The following GMPS variants were observed in gnomAD, a reference collection of about 807,000 sequenced individuals.
The protein encoded by GMPS is GMP synthase [glutamine-hydrolyzing].
In GMPS, 15 loss-of-function variants were observed where a neutral mutation model predicts 77.9. The observed-to-expected ratio is 0.19, with a 90% CI of 0.13 to 0.30. GMPS has a LOEUF of 0.30. GMPS is among the 10% of genes least tolerant of loss of function. The pLI, the probability that GMPS is intolerant of heterozygous loss-of-function variation, is 1.00. For missense variants in GMPS, 590 were observed against 838.8 expected (o/e 0.70, Z 3.66); for synonymous variants, 224 against 275.9 (o/e 0.81, Z 1.86).
chr3:155,883,682 T>C (rs1227889288), intron 1 of GMPS, among the ~76,000 whole-genome samples: 1 of 152,182 alleles, frequency 6.6e-6, no homozygotes, highest in Admixed American at 6.5e-5. Context: ...GCTATACATG[T>C]GCACATACTT....
chr3:155,931,683 T>TAAAA (rs60448476), intron 12 of GMPS, 82 bp from the exon 13 acceptor site: 415 of 398,992 alleles, frequency 1.0e-3, no homozygotes, highest in African/African-American at 3.8e-3. Flanking sequence ...CTTTTTTTTT[T>TAAAA]AAAAAAAAAA....
intron 4 of GMPS, among the ~76,000 whole-genome samples, chr3:155,904,315 A>G (rs1482686196): frequency 6.7e-6 from 1 of 148,866 alleles, no homozygotes; most frequent in East Asian, 2.0e-4. Flanking sequence ...TTCGAGACGG[A>G]GTCTCCCTCT....
chr3:155,877,634 TAA>T (rs1754083519), intron 1 of GMPS, among the ~76,000 whole-genome samples: 1 of 152,126 alleles, frequency 6.6e-6, no homozygotes, highest in Non-Finnish European at 1.5e-5. Context: ...TTGGGGCCGC[TAA>T]AACAAAATAC....
Position 155,942,072 on chromosome 3 carries a change from T to C in GMPS, c.*4380T>C. 1 of 199,630 alleles carries C rather than the reference T, an allele frequency of 5.0e-6. No individual in the cohort carries two copies. The highest frequency in any genetic ancestry group is 1.0e-5 in the Non-Finnish European group (1 of 96,928). The allele number at this position is 199,630 out of a possible 1,614,324, so 12.4% of individuals were successfully genotyped here. A position where few individuals can be genotyped will look rare whatever the true frequency, so the allele number is the denominator to read the frequency against. On this transcript the variant is annotated 3_prime_UTR_variant, in exon 16 of 16. Coordinates refer to ENST00000496455, the MANE Select transcript of GMPS (RefSeq NM_003875.3). The stretch of plus-strand genomic sequence containing the variant: ...AAATAAAATTAGAATCTGGAGGAGG[T>C]AGAACTCAAGCATTTACAGTTTTGT...
chr3:155,911,209 T>C lies in GMPS; in HGVS notation c.816T>C (p.Asn272=). 1 of 1,613,158 alleles carries C rather than the reference T, an allele frequency of 6.2e-7. No homozygotes were observed. Residue 272 remains asparagine, a synonymous_variant, in exon 7 of 16, where the codon AAT becomes AAC. Coordinates refer to ENST00000496455, the MANE Select transcript of GMPS (RefSeq NM_003875.3). The stretch of plus-strand genomic sequence containing the variant: ...AAGTCATTGCTGTGCACATTGATAA[T>C]GGCTTTATGAGAAAACGAGAAAGCC... ...QEQVIAVHID[N]GFMRKRESQS... is the part of the protein sequence containing the mutation.
rs770745564 is a variant in GMPS at position 155,937,738 on chromosome 3, T to G, written c.*46T>G. 1.2e-6 allele frequency: 1 copy of G among 848,168 alleles called. No individual in the cohort carries two copies. Among genetic ancestry groups the G allele is most frequent in the Non-Finnish European group, 2.0e-6 (1 of 493,472 alleles). 52.5% of individuals were successfully genotyped at this position (848,168 alleles called of 1,614,324 possible). ...AGTACCGTGTGCAGTTTAAATTGAT[T>G]AGAAATCATTCCCATTATTGACATG... On this transcript the variant is annotated 3_prime_UTR_variant, in exon 16 of 16. Coordinates refer to ENST00000496455, the MANE Select transcript of GMPS (RefSeq NM_003875.3).
chr3:155,932,339 CTCCAAACAAAAA>C (rs1256216949), intron 13 of GMPS, among the ~76,000 whole-genome samples: 5 of 151,782 alleles, frequency 3.3e-5, no homozygotes, highest in African/African-American at 4.8e-5. Flanking sequence ...ACAACCCCCA[CTCCAAACAAAAA>C]TGGAGACTTG....
rs1337400465 is a variant in GMPS, at chr3:155,916,088, C to T, written c.1108C>T (p.Arg370Trp). The T allele has an allele frequency of 6.8e-6, 11 of 1,612,600 alleles. No individual in the cohort carries two copies. Among genetic ancestry groups the T allele is most frequent in the African/African-American group, 1.3e-5 (1 of 74,854 alleles). The change falls in exon 9 of 16, where the codon CGG becomes TGG. Residue 370 changes from arginine to tryptophan, a missense_variant. This residue lies in a region of GMPS where 181 missense variants were observed against 186.8 expected (regional missense o/e 0.97). Transcript: ENST00000496455. ...GGTTTTCCTTGCCCAAGGTACTTTACGGCCTGATCTAATTGAAAGTGCATC... is the reference window on the plus strand; with the variant it reads ...GGTTTTCCTTGCCCAAGGTACTTTATGGCCTGATCTAATTGAAAGTGCATC... ...EEVFLAQGTLRPDLIESASLV... is the reference protein window; with the variant it reads ...EEVFLAQGTLWPDLIESASLV...
At chr3:155,920,583 A>G (rs565082648) in intron 10 of GMPS, among the ~76,000 whole-genome samples, 3 of 148,980 alleles carry the variant, frequency 2.0e-5, no homozygotes, top group African/African-American at 5.1e-5. Context: ...TTAAAAAAAA[A>G]AAAAAAGAAA....
chr3:155,936,222 TAACTACGCTGTG>T lies in GMPS; in HGVS notation c.1808-115_1808-104del, dbSNP rs1755762673. The T allele has an allele frequency of 5.9e-6, 4 of 674,416 alleles. No individual in the cohort carries two copies. The East Asian group carries it at 1.0e-4, about 17-fold the overall frequency. 41.8% of individuals were successfully genotyped at this position (674,416 alleles called of 1,614,324 possible). A position where few individuals can be genotyped will look rare whatever the true frequency, so the allele number is the denominator to read the frequency against. On this transcript the variant is annotated intron_variant, in intron 14 of 15. Coordinates refer to ENST00000496455, the MANE Select transcript of GMPS (RefSeq NM_003875.3). ...TGAAATCAATGCATGATGACAGTCT[TAACTACGCTGTG>T]TGTGTATATGTGATTTCAGATATTG...
At chr3:155,935,731 T>A (rs1755750656) in intron 14 of GMPS, among the ~76,000 whole-genome samples, 1 of 152,204 alleles carries the variant, frequency 6.6e-6, no homozygotes, top group Non-Finnish European at 1.5e-5. Flanking sequence ...TTTTGCTGTT[T>A]AAAATGGATC....
At chr3:155,875,080 G>A (rs773930611) in intron 1 of GMPS, among the ~76,000 whole-genome samples, 5 of 151,406 alleles carry the variant, frequency 3.3e-5, no homozygotes, top group African/African-American at 9.7e-5. Flanking sequence ...CACCACATAC[G>A]GCTAATTTTA....
intron 2 of GMPS, 142 bp from the exon 3 acceptor site, chr3:155,897,785 T>C (rs1754637361): frequency 1.6e-6 from 1 of 632,052 alleles, no homozygotes; most frequent in Non-Finnish European, 2.9e-6. Flanking sequence ...CGCTGTGATA[T>C]AATTAGAATT....
In GMPS at chr3:155,899,783, TA is replaced by T. The variant is rs560071104; in HGVS notation, c.324+1743del. Among the ~76,000 whole-genome samples, 361 of 152,344 alleles carry T rather than the reference TA, an allele frequency of 2.4e-3. 1 individual carries two copies. The highest frequency in any genetic ancestry group is 8.5e-3 in the African/African-American group (352 of 41,588). Reference sequence around the variant, plus strand: ...TCCCCCATATCCTGGCAACCACTGATATTTTTTTATCGTCTTTATAGTTTTG... The same window carrying T: ...TCCCCCATATCCTGGCAACCACTGATTTTTTTTATCGTCTTTATAGTTTTG... On this transcript the variant is annotated intron_variant, in intron 3 of 15. Transcript: ENST00000496455.
rs143332413 is a variant in GMPS, at chr3:155,939,838, C to G, written c.*2146C>G. The G allele has an allele frequency of 7.2e-3, 1,453 of 200,592 alleles. 9 individuals are homozygous for G. The highest frequency in any genetic ancestry group is 0.011 in the Non-Finnish European group (1,055 of 97,284). The allele number at this position is 200,592 out of a possible 1,614,324, so 12.4% of individuals were successfully genotyped here. On this transcript the variant is annotated 3_prime_UTR_variant, in exon 16 of 16. Transcript: ENST00000496455. Reference sequence around the variant, plus strand: ...TTGCTTTGTGCCATATAGCATTACTCTGTACCTTCACAGTATTTCATCTGA... The same window carrying G: ...TTGCTTTGTGCCATATAGCATTACTGTGTACCTTCACAGTATTTCATCTGA...
intron 1 of GMPS, among the ~76,000 whole-genome samples, chr3:155,884,416 C>T (rs868862125): frequency 3.3e-5 from 5 of 151,000 alleles, no homozygotes; most frequent in Non-Finnish European, 5.9e-5. Context: ...AAAAAAATCA[C>T]GAGGCAAAGA....
intron 9 of GMPS, among the ~76,000 whole-genome samples, chr3:155,916,647 A>G (rs1755187406): frequency 6.6e-6 from 1 of 152,058 alleles, no homozygotes; most frequent in Non-Finnish European, 1.5e-5. Context: ...GGTATAATGC[A>G]TTGTATTTAT....
At chr3:155,897,426 G>A (rs1443793614) in intron 2 of GMPS, among the ~76,000 whole-genome samples, 2 of 152,182 alleles carry the variant, frequency 1.3e-5, no homozygotes, top group Admixed American at 6.6e-5. Context: ...GATGGTGGAT[G>A]CTGTAAACAG....
intron 1 of GMPS, among the ~76,000 whole-genome samples, chr3:155,879,478 G>A (rs1472524139): frequency 2.0e-5 from 3 of 151,696 alleles, no homozygotes; most frequent in African/African-American, 7.3e-5. Flanking sequence ...CGTTGGTCAG[G>A]CTGGCCTCGA....
Sources: gnomAD v4.1 joint callset for allele counts (sites outside exome capture counted in the v4.1 genomes callset) on GRCh38, gnomAD v4.1.1 for gene constraint, gnomAD v4.1.1 regional missense constraint, MANE v1.5 for transcripts, NCBI Gene and HGNC (gene_info 2026-07-23, HGNC 2026-07-21) for gene names.